The following TTC6 variants were observed in gnomAD, a reference collection of about 807,000 sequenced individuals.
TTC6 encodes the protein tetratricopeptide repeat protein 6.
A neutral mutation model predicts 210.4 loss-of-function variants in TTC6; 172 were observed. The ratio of observed to expected loss-of-function variants is 0.82; its 90% confidence interval spans 0.72 to 0.93. The LOEUF (loss-of-function observed/expected upper bound fraction) is 0.93. Among genes scored for constraint, TTC6 ranks in the 40% least tolerant of loss-of-function variants. The probability of loss-of-function intolerance (pLI) is 0.00; values close to 1 mark genes in which losing one functional copy is unlikely to be tolerated. For missense variants in TTC6, 2,414 were observed against 2,318.1 expected, an observed-to-expected ratio of 1.04 and a Z score of -0.85; for synonymous variants, 804 against 819.6, an observed-to-expected ratio of 0.98 and a Z score of 0.32.
intron 1 of TTC6, among the ~76,000 whole-genome samples, chr14:37,605,871 T>C (rs1007461807): frequency 6.6e-6 from 1 of 151,934 alleles, no homozygotes; most frequent in Non-Finnish European, 1.5e-5. Context: ...CTTTTCTTTT[T>C]CAAATGGATA....
chr14:37,813,222 T>TGATTATTTG (rs2096133710), intron 25 of TTC6, among the ~76,000 whole-genome samples: 1 of 152,208 alleles, frequency 6.6e-6, no homozygotes, highest in South Asian at 2.1e-4. Flanking sequence ...TCTGTCCAAA[T>TGATTATTTG]AATCATTTAC....
chr14:37,703,183 C>G (rs1013254070), intron 5 of TTC6, among the ~76,000 whole-genome samples: 7 of 151,664 alleles, frequency 4.6e-5, no homozygotes, highest in Admixed American at 4.0e-4. Context: ...ACTACACAAG[C>G]CAAGCATCAT....
intron 10 of TTC6, among the ~76,000 whole-genome samples, chr14:37,744,633 G>T (rs1002688346): frequency 3.3e-5 from 5 of 152,184 alleles, no homozygotes; most frequent in Non-Finnish European, 5.9e-5. Flanking sequence ...TGCCTTGCAG[G>T]CCAGAGTAAA....
intron 25 of TTC6, among the ~76,000 whole-genome samples, chr14:37,815,595 A>T (rs1055212097): frequency 6.6e-6 from 1 of 152,116 alleles, no homozygotes; most frequent in African/African-American, 2.4e-5. Context: ...ATTGAGATGT[A>T]GATCTACATC....
chr14:37,728,523 GA>G (rs1192368811), intron 7 of TTC6, among the ~76,000 whole-genome samples: 1 of 152,076 alleles, frequency 6.6e-6, no homozygotes, highest in African/African-American at 2.4e-5. Context: ...TTACTGATTT[GA>G]AATGGTCCAG....
intron 14 of TTC6, among the ~76,000 whole-genome samples, chr14:37,784,522 G>A (rs1028576094): frequency 1.3e-5 from 2 of 152,080 alleles, no homozygotes; most frequent in African/African-American, 4.8e-5. Flanking sequence ...GTCTCTGCAC[G>A]TTGAGATGGG....
chr14:37,732,408 C>T (rs1422115550), intron 7 of TTC6, among the ~76,000 whole-genome samples: 4 of 151,684 alleles, frequency 2.6e-5, no homozygotes, highest in Admixed American at 2.6e-4. Flanking sequence ...TGGTGTCGAT[C>T]TCCTGACCTC....
At chr14:37,602,804 T>C (rs914468781) in intron 1 of TTC6, among the ~76,000 whole-genome samples, 1 of 152,100 alleles carries the variant, frequency 6.6e-6, no homozygotes. Context: ...AGACTCAGGT[T>C]TCGAGTTTTA....
chr14:37,648,799 ATAGT>A (rs1595058565), intron 1 of TTC6, among the ~76,000 whole-genome samples: 1 of 152,006 alleles, frequency 6.6e-6, no homozygotes, highest in Non-Finnish European at 1.5e-5. Flanking sequence ...GTATTTCTAG[ATAGT>A]TATTCTTTTT....
chr14:37,667,472 T>C (rs1363036726), intron 1 of TTC6, among the ~76,000 whole-genome samples: 5 of 150,420 alleles, frequency 3.3e-5, no homozygotes, highest in Admixed American at 6.6e-5. Flanking sequence ...TCTTCATTCA[T>C]TGGGATGTTT....
intron 1 of TTC6, among the ~76,000 whole-genome samples, chr14:37,634,175 C>A (rs1379957735): frequency 6.6e-6 from 1 of 152,082 alleles, no homozygotes; most frequent in Non-Finnish European, 1.5e-5. Flanking sequence ...AAAGATTTTA[C>A]AGCAGTTCCT....
chr14:37,747,683 A>C (rs2095940214), intron 10 of TTC6, among the ~76,000 whole-genome samples: 1 of 152,172 alleles, frequency 6.6e-6, no homozygotes, highest in African/African-American at 2.4e-5. Context: ...AGGCGATCCT[A>C]AGGCTATAGT....
At position 37,664,070 on chromosome 14, in the gene TTC6, A is replaced by G. The variant is rs143110329; in HGVS notation, c.940-16081A>G. ...AAGAATCAATATTGTGAAAATGGCC[A>G]TACTGCCCAAAGTAATTTATAGATT... On this transcript the variant is annotated intron_variant, in intron 1 of 30. Coordinates refer to ENST00000553443, the Ensembl canonical transcript of TTC6. 3.6e-3 allele frequency among the ~76,000 whole-genome samples: 540 copies of G among 150,772 alleles called. 7 individuals are homozygous for G. Among genetic ancestry groups the G allele is most frequent in the African/African-American group, 0.013 (519 of 41,446 alleles).
intron 14 of TTC6, among the ~76,000 whole-genome samples, chr14:37,780,077 A>G (rs1595250694): frequency 6.6e-6 from 1 of 152,228 alleles, no homozygotes; most frequent in South Asian, 2.1e-4. Flanking sequence ...AATTAATGGC[A>G]TGCTACACAG....
chr14:37,652,967 C>T (rs147477867), intron 1 of TTC6, among the ~76,000 whole-genome samples: 141 of 152,248 alleles, frequency 9.3e-4, no homozygotes, highest in African/African-American at 3.2e-3. Flanking sequence ...ATTTTTTTCA[C>T]GAAATAACTT....
intron 9 of TTC6, among the ~76,000 whole-genome samples, chr14:37,738,514 A>G (rs987287229): frequency 3.9e-5 from 6 of 152,110 alleles, no homozygotes; most frequent in Admixed American, 3.3e-4. Context: ...GAAAATCATA[A>G]TACATATCTA....
chr14:37,739,951 C>G (rs1373296580), intron 10 of TTC6, among the ~76,000 whole-genome samples: 1 of 151,992 alleles, frequency 6.6e-6, no homozygotes, highest in African/African-American at 2.4e-5. Flanking sequence ...ATCACGAGGT[C>G]AGGAGATCGA....
At chr14:37,768,858 A>G (rs1300370047) in intron 14 of TTC6, among the ~76,000 whole-genome samples, 8 of 151,484 alleles carry the variant, frequency 5.3e-5, no homozygotes, top group African/African-American at 1.5e-4. Flanking sequence ...AGTGGTGAGA[A>G]AGGGCATCCC....
At chr14:37,792,601 C>A (rs1031889853) in intron 17 of TTC6, among the ~76,000 whole-genome samples, 187 bp downstream of exon 19, 6 of 152,084 alleles carry the variant, frequency 3.9e-5, no homozygotes, top group Admixed American at 3.9e-4. Flanking sequence ...TCAAGGTGTG[C>A]ATTTTTATGT....
Sources: gnomAD v4.1 joint callset for allele counts (sites outside exome capture counted in the v4.1 genomes callset) on GRCh38, gnomAD v4.1.1 for gene constraint, MANE v1.5 for transcripts, NCBI Gene and HGNC (gene_info 2026-07-23, HGNC 2026-07-21) for gene names.